AMER1: variants seen among roughly 807,000 people sequenced by gnomAD.
AMER1 encodes the protein APC membrane recruitment protein 1.
Under a neutral mutation model 53.0 loss-of-function variants are expected in AMER1, and 16 were observed. The observed-to-expected ratio is 0.30, with a 90% CI of 0.20 to 0.46. AMER1 has a LOEUF of 0.46. Among genes scored for constraint, AMER1 ranks in the 20% least tolerant of loss-of-function variants. AMER1 has a pLI of 1.00. For missense variants in AMER1, 947 were observed against 884.9 expected, an observed-to-expected ratio of 1.07 and a Z score of -0.89; for synonymous variants, 354 against 331.9, an observed-to-expected ratio of 1.07 and a Z score of -0.73.
chrX:64,199,999 T>C (rs990338729), intron 1 of AMER1, among the ~76,000 whole-genome samples: 5 of 112,699 alleles, frequency 4.4e-5, no homozygotes, highest in Non-Finnish European at 9.4e-5. Context: ...AGAAATGGGC[T>C]TTCCTGGTGA....
chrX:64,193,013 T>C lies in AMER1; in HGVS notation c.274A>G (p.Lys92Glu), dbSNP rs772656826. 7.4e-6 allele frequency: 9 copies of C among 1,210,110 alleles called. No individual in the cohort carries two copies. Among genetic ancestry groups the C allele is most frequent in the Non-Finnish European group, 8.9e-6 (8 of 895,234 alleles). The change falls in exon 2 of 2, where the codon AAG becomes GAG. Residue 92 changes from lysine to glutamate, a missense_variant. Coordinates refer to ENST00000374869, the MANE Select transcript of AMER1 (RefSeq NM_152424.4). Reference protein sequence around the residue: ...GKGSSKKGLSKSKTHDGLSEA... With the variant: ...GKGSSKKGLSESKTHDGLSEA... Reference sequence around the variant, plus strand: ...CTCAGGCCATCGTGGGTCTTGCTCTTGCTGAGACCTTTCTTGGAGCTGCCT... The same window carrying C: ...CTCAGGCCATCGTGGGTCTTGCTCTCGCTGAGACCTTTCTTGGAGCTGCCT...
rs887086004 is a variant in AMER1 at position 64,196,344 on chromosome X, C to T, written c.-98-2960G>A. ...GCTCCTCTACCTATCCTTCTACCTG[C>T]CCACTCCAACTACAGTGGTGTGATG... On this transcript the variant is annotated intron_variant, in intron 1 of 1. Coordinates refer to ENST00000374869, the MANE Select transcript of AMER1 (RefSeq NM_152424.4). 5.3e-5 allele frequency among the ~76,000 whole-genome samples: 6 copies of T among 112,244 alleles called. No individual in the cohort carries two copies. In the East Asian group the frequency reaches 1.7e-3, roughly 31 times the overall value.
intron 1 of AMER1, among the ~76,000 whole-genome samples, chrX:64,203,199 G>A (rs1011877259): frequency 9.0e-6 from 1 of 111,681 alleles, no homozygotes; most frequent in Non-Finnish European, 1.9e-5. Context: ...CCAAATCCTG[G>A]GCCTGTTGTT....
chrX:64,192,276 C>T lies in AMER1; in HGVS notation c.1011G>A (p.Met337Ile). The change falls in exon 2 of 2, where the codon ATG becomes ATA. Residue 337 changes from methionine to isoleucine, a missense_variant. Transcript: ENST00000374869. The stretch of plus-strand genomic sequence containing the variant: ...AGGCCATGCTGTCTGTCATACTGTC[C>T]ATGTCCTGTTCTGCTATTATGTCAC... ...GCGDIIAEQD[M>I]DSMTDSMASG... 1 of 1,212,243 alleles carries T rather than the reference C, an allele frequency of 8.2e-7. No homozygotes were observed. Among genetic ancestry groups the T allele is most frequent in the Non-Finnish European group, 1.1e-6 (1 of 895,618 alleles).
rs1602066287 is a variant in AMER1 at position 64,189,878 on chromosome X, A to T, written c.*1T>A. The T allele has an allele frequency of 1.7e-6, 2 of 1,198,930 alleles. No individual in the cohort carries two copies. The highest frequency in any genetic ancestry group is 4.9e-4 in the Middle Eastern group (2 of 4,103). Reference sequence around the variant, plus strand: ...TGTCCCTACTCCAGAATTGATAATAACTACTTGGCTAGGTTTCCATTCATG... The same window carrying T: ...TGTCCCTACTCCAGAATTGATAATATCTACTTGGCTAGGTTTCCATTCATG... On this transcript the variant is annotated 3_prime_UTR_variant, in exon 2 of 2. Transcript: ENST00000374869.
intron 1 of AMER1, among the ~76,000 whole-genome samples, chrX:64,200,837 G>T (rs1011416730): frequency 9.0e-6 from 1 of 111,389 alleles, no homozygotes; most frequent in African/African-American, 3.3e-5. Flanking sequence ...ACTGAGTCTG[G>T]CCTGTGAATA....
chrX:64,191,404 G>C lies in AMER1; in HGVS notation c.1883C>G (p.Ala628Gly), dbSNP rs2147087244. ...AHGREARTRE[A>G]QAREVRCRET... is the part of the protein sequence containing the mutation. ...TCTACAACGAACCTCTCGGGCCTGG[G>C]CTTCTCGGGTTCTGGCCTCCCTGCC... is the stretch of plus-strand genomic sequence containing the variant. Residue 628 changes from alanine (A) to glycine (G), a missense_variant, in exon 2 of 2, where the codon GCC (alanine) becomes GGC (glycine). Coordinates refer to ENST00000374869, the MANE Select transcript of AMER1 (RefSeq NM_152424.4). 1 of 1,211,871 alleles carries C rather than the reference G, an allele frequency of 8.3e-7. No individual in the cohort carries two copies.
Position 64,186,628 on chromosome X carries a change from T to C in AMER1, c.*3251A>G. 3.9e-6 allele frequency: 3 copies of C among 773,283 alleles called. No homozygotes were observed. Among genetic ancestry groups the C allele is most frequent in the Non-Finnish European group, 4.6e-6 (3 of 650,613 alleles). 63.7% of individuals were successfully genotyped at this position (773,283 alleles called of 1,213,427 possible). A position where few individuals can be genotyped will look rare whatever the true frequency, so the allele number is the denominator to read the frequency against. ...GTACACACCCAGCCTCCTGAGTGTG[T>C]GAAGCTACTTCCCTTCTTGGCATAG... On this transcript the variant is annotated 3_prime_UTR_variant, in exon 2 of 2. Transcript: ENST00000374869.
Position 64,188,659 on chromosome X carries a change from G to T in AMER1, c.*1220C>A. On this transcript the variant is annotated 3_prime_UTR_variant, in exon 2 of 2. Transcript: ENST00000374869. ...AATGATGGGATGGGCAAGGCTTAAG[G>T]AACATTTTGTGTTGGGAGGCTTGAG... 1.2e-6 allele frequency: 1 copy of T among 801,197 alleles called. No individual in the cohort carries two copies. The highest frequency in any genetic ancestry group is 1.5e-6 in the Non-Finnish European group (1 of 668,051). 66.0% of individuals were successfully genotyped at this position (801,197 alleles called of 1,213,427 possible). A position where few individuals can be genotyped will look rare whatever the true frequency, so the allele number is the denominator to read the frequency against.
At chrX:64,203,146 G>A (rs1411372428) in intron 1 of AMER1, among the ~76,000 whole-genome samples, 1 of 112,190 alleles carries the variant, frequency 8.9e-6, no homozygotes, top group Non-Finnish European at 1.9e-5. Flanking sequence ...CTTGGCTCAT[G>A]AATCAGCAAC....
In AMER1 at chrX:64,185,798, G is replaced by A. The variant is rs1930093147; in HGVS notation, c.*4081C>T. On this transcript the variant is annotated 3_prime_UTR_variant, in exon 2 of 2. Transcript: ENST00000374869. ...TGAGCTCCTAGGAAGTCCTATGCAA[G>A]GGTTTCCTCAACGAGATGGTAAATT... is the stretch of plus-strand genomic sequence containing the variant. 1 of 219,469 alleles carries A rather than the reference G, an allele frequency of 4.6e-6. No homozygotes were observed. The highest frequency in any genetic ancestry group is 1.3e-4 in the South Asian group (1 of 7,958). 18.1% of individuals were successfully genotyped at this position (219,469 alleles called of 1,213,427 possible). A position where few individuals can be genotyped will look rare whatever the true frequency, so the allele number is the denominator to read the frequency against.
Position 64,192,108 on chromosome X carries a change from T to G in AMER1, c.1179A>C (p.Glu393Asp), listed in dbSNP as rs1930260860. 1 of 1,210,890 alleles carries G rather than the reference T, an allele frequency of 8.3e-7. No individual in the cohort carries two copies. The highest frequency in any genetic ancestry group is 1.8e-5 in the South Asian group (1 of 56,941). ...CTTCCTCCTCCTTAACCTCCTCTTC[T>G]TCCTCCTCTAATTCCACCTCTTCTT... ...EEEEEVELEE[E>D]EEEVKEEEED... is the part of the protein sequence containing the mutation. Residue 393 changes from glutamate to aspartate, a missense_variant, in exon 2 of 2, where the codon GAA becomes GAC. Glu to Asp is a conservative substitution (Grantham distance 45, BLOSUM62 2). Transcript: ENST00000374869.
chrX:64,192,461 G>A lies in AMER1; in HGVS notation c.826C>T (p.Pro276Ser), dbSNP rs2147089652. 2 of 1,203,430 alleles carry A rather than the reference G, an allele frequency of 1.7e-6. No individual in the cohort carries two copies. Among genetic ancestry groups the A allele is most frequent in the Non-Finnish European group, 2.2e-6 (2 of 891,908 alleles). Residue 276 changes from proline to serine, a missense_variant, in exon 2 of 2, where the codon CCT (proline) becomes TCT (serine). Physicochemically the swap from Pro to Ser is moderately conservative, Grantham distance 74. Coordinates refer to ENST00000374869, the MANE Select transcript of AMER1 (RefSeq NM_152424.4). The stretch of plus-strand genomic sequence containing the variant: ...GGCTCCTCTAGGCTACTGGCTTCAG[G>A]GGCAGGCTTGGGTTGCACATGTGCT... ...ASAHVQPKPAPEASSLEEPHS... is the reference protein window; with the variant it reads ...ASAHVQPKPASEASSLEEPHS...
At position 64,188,492 on chromosome X, in the gene AMER1, C is replaced by T; in HGVS notation, c.*1387G>A. 1 of 804,401 alleles carries T rather than the reference C, an allele frequency of 1.2e-6. No individual in the cohort carries two copies. Among genetic ancestry groups the T allele is most frequent in the Non-Finnish European group, 1.5e-6 (1 of 670,138 alleles). 66.3% of individuals were successfully genotyped at this position (804,401 alleles called of 1,213,427 possible). ...TTCATTCCATAAAGGGCTGCAACTG[C>T]CAAGAAGCCCTGTCATTTGATGATG... On this transcript the variant is annotated 3_prime_UTR_variant, in exon 2 of 2. Coordinates refer to ENST00000374869, the MANE Select transcript of AMER1 (RefSeq NM_152424.4).
intron 1 of AMER1, among the ~76,000 whole-genome samples, chrX:64,202,796 G>C (rs895240384): frequency 4.5e-5 from 5 of 111,744 alleles, no homozygotes; most frequent in African/African-American, 1.6e-4. Context: ...CAAAAACCTT[G>C]TTTTTATTAC....
At chrX:64,204,631 C>A (rs1930558961) in intron 1 of AMER1, among the ~76,000 whole-genome samples, 1 of 113,422 alleles carries the variant, frequency 8.8e-6, no homozygotes, top group Admixed American at 9.2e-5. Context: ...ATGAGGGCTC[C>A]TTCGGCCTCT....
rs1930125216 is a variant in AMER1, at chrX:64,187,084, G to A, written c.*2795C>T. The A allele has an allele frequency of 1.3e-6, 1 of 783,896 alleles. No homozygotes were observed. Among genetic ancestry groups the A allele is most frequent in the Admixed American group, 8.0e-5 (1 of 12,458 alleles). 64.6% of individuals were successfully genotyped at this position (783,896 alleles called of 1,213,427 possible). On this transcript the variant is annotated 3_prime_UTR_variant, in exon 2 of 2. Coordinates refer to ENST00000374869, the MANE Select transcript of AMER1 (RefSeq NM_152424.4). ...ATATCAACAGTTTTAGTGGTCTGGG[G>A]TGTATTTGCTGCCACCCAAGCCAGC...
At position 64,186,758 on chromosome X, in the gene AMER1, G is replaced by A. The variant is rs1930120153; in HGVS notation, c.*3121C>T. On this transcript the variant is annotated 3_prime_UTR_variant, in exon 2 of 2. Transcript: ENST00000374869. ...AGATAGGTAGGGCTGGCTTGAACTG[G>A]GCCCCAAGGCAGTGCTTCCTTGGAG... The A allele has an allele frequency of 3.9e-6, 3 of 773,429 alleles. No individual in the cohort carries two copies. The highest frequency in any genetic ancestry group is 2.3e-5 in the African/African-American group (1 of 43,827). 63.7% of individuals were successfully genotyped at this position (773,429 alleles called of 1,213,427 possible). A position where few individuals can be genotyped will look rare whatever the true frequency, so the allele number is the denominator to read the frequency against.
rs926420871 is a variant in AMER1 at position 64,205,581 on chromosome X, A to T, written c.-110T>A. On this transcript the variant is annotated 5_prime_UTR_variant, in exon 1 of 2. Coordinates refer to ENST00000374869, the MANE Select transcript of AMER1 (RefSeq NM_152424.4). ...TACGCAACGCTTACCCAGCCCGGTC[A>T]GGTTCCTAGCCCGGTTATTGTCCGC... 4 of 112,856 alleles carry T rather than the reference A, an allele frequency of 3.5e-5. No individual in the cohort carries two copies. The highest frequency in any genetic ancestry group is 9.2e-5 in the Admixed American group (1 of 10,823). The allele number at this position is 112,856 out of a possible 1,213,427, so 9.3% of individuals were successfully genotyped here.
Sources: gnomAD v4.1 joint callset for allele counts (sites outside exome capture counted in the v4.1 genomes callset) on GRCh38, gnomAD v4.1.1 for gene constraint, MANE v1.5 for transcripts, NCBI Gene and HGNC (gene_info 2026-07-23, HGNC 2026-07-21) for gene names.